The following SLC24A3 variants were observed in gnomAD, a reference collection of about 807,000 sequenced individuals.
SLC24A3 encodes the protein solute carrier family 24 member 3, also known as sodium/potassium/calcium exchanger 3.
In SLC24A3, 28 loss-of-function variants were observed where a neutral mutation model predicts 75.8. The ratio of observed to expected loss-of-function variants is 0.37; its 90% CI spans 0.27 to 0.51. The LOEUF (loss-of-function observed/expected upper bound fraction) is 0.51. Ranked by LOEUF, SLC24A3 falls within the 20% of genes least tolerant of loss-of-function variation. The probability of loss-of-function intolerance (pLI) is 0.94; values close to 1 mark genes in which losing one functional copy is unlikely to be tolerated. For synonymous variants in SLC24A3, 372 were observed against 334.1 expected (o/e 1.11, Z -1.24); for missense variants, 663 against 847.8 (o/e 0.78, Z 2.71).
chr20:19,709,658 C>T (rs1294255022), intron 15 of SLC24A3, among the ~76,000 whole-genome samples: 1 of 152,040 alleles, frequency 6.6e-6, no homozygotes, highest in Non-Finnish European at 1.5e-5. Flanking sequence ...GGTCCAGATG[C>T]ACTTCTGAGG....
intron 6 of SLC24A3, among the ~76,000 whole-genome samples, chr20:19,634,881 C>CA (rs1327452815): frequency 1.3e-5 from 2 of 151,992 alleles, no homozygotes; most frequent in Admixed American, 6.5e-5. Context: ...AATGATACCG[C>CA]AAAAATTTTA....
intron 3 of SLC24A3, among the ~76,000 whole-genome samples, chr20:19,524,264 A>G (rs2030156549): frequency 6.6e-6 from 1 of 152,208 alleles, no homozygotes; most frequent in Non-Finnish European, 1.5e-5. Context: ...CACAGCCTCC[A>G]TAGATGTCAC....
At chr20:19,636,193 A>G (rs4814877) in intron 6 of SLC24A3, among the ~76,000 whole-genome samples, 48,953 of 152,004 alleles carry the variant, frequency 0.32, 9,527 homozygotes, top group African/African-American at 0.54. Flanking sequence ...TTATGGTCTC[A>G]CCTCAAGAGT....
chr20:19,462,274 C>T (rs1302771108), intron 2 of SLC24A3, among the ~76,000 whole-genome samples: 1 of 149,228 alleles, frequency 6.7e-6, no homozygotes, highest in Non-Finnish European at 1.5e-5. Context: ...GGGTGGCTTT[C>T]TTTCTTTTTT....
At chr20:19,277,003 A>G (rs894441161) in intron 1 of SLC24A3, among the ~76,000 whole-genome samples, 5 of 152,204 alleles carry the variant, frequency 3.3e-5, no homozygotes, top group African/African-American at 9.7e-5. Context: ...CCATCTTTGA[A>G]ATAAGACCAG....
intron 1 of SLC24A3, among the ~76,000 whole-genome samples, chr20:19,219,964 C>T (rs13043855): frequency 0.082 from 12,511 of 152,186 alleles, 758 homozygotes; most frequent in African/African-American, 0.17. Context: ...AAGCCTTGGC[C>T]ATTTAATGCA....
At chr20:19,653,869 T>A (rs2032235064) in intron 6 of SLC24A3, among the ~76,000 whole-genome samples, 193 bp from the exon 7 acceptor site, 1 of 152,228 alleles carries the variant, frequency 6.6e-6, no homozygotes, top group Non-Finnish European at 1.5e-5. Context: ...GTTGCAGGTT[T>A]AATTGTATCT....
chr20:19,504,946 G>T (rs1600256979), intron 2 of SLC24A3, among the ~76,000 whole-genome samples: 1 of 152,312 alleles, frequency 6.6e-6, no homozygotes, highest in East Asian at 1.9e-4. Context: ...TCATGAGATT[G>T]CTGTATTTTC....
chr20:19,308,773 G>T (rs960204807), intron 2 of SLC24A3, among the ~76,000 whole-genome samples: 6 of 152,176 alleles, frequency 3.9e-5, no homozygotes, highest in Admixed American at 6.5e-5. Flanking sequence ...ATCTGGCATC[G>T]TTGGGATATC....
intron 2 of SLC24A3, among the ~76,000 whole-genome samples, chr20:19,367,817 T>A (rs1985921458): frequency 6.6e-6 from 1 of 152,122 alleles, no homozygotes; most frequent in Non-Finnish European, 1.5e-5. Context: ...TTGGCATTGG[T>A]GCATTGGCCG....
At chr20:19,302,345 T>C (rs1236844939) in intron 2 of SLC24A3, among the ~76,000 whole-genome samples, 1 of 152,236 alleles carries the variant, frequency 6.6e-6, no homozygotes, top group African/African-American at 2.4e-5. Flanking sequence ...TAATGAACAA[T>C]TGATTGAATG....
At chr20:19,447,599 C>G (rs1987409087) in intron 2 of SLC24A3, among the ~76,000 whole-genome samples, 1 of 152,094 alleles carries the variant, frequency 6.6e-6, no homozygotes, top group African/African-American at 2.4e-5. Context: ...TAAATAGAAA[C>G]AGGAAGATGG....
In SLC24A3 at chr20:19,665,540, A is replaced by G. The variant is rs2032388211; in HGVS notation, c.688-324A>G. Among the ~76,000 whole-genome samples the G allele has an allele frequency of 2.0e-5, 3 of 152,206 alleles. No individual in the cohort carries two copies. The East Asian group carries it at 5.8e-4, about 29-fold the overall frequency. On this transcript the variant is annotated intron_variant, in intron 7 of 16. Coordinates refer to ENST00000328041, the MANE Select transcript of SLC24A3 (RefSeq NM_020689.4). ...AAGATTCTACAATGGGCCTTGCTTT[A>G]CAAAGCAGGTTAGTCACACTTCCCT...
intron 10 of SLC24A3, among the ~76,000 whole-genome samples, chr20:19,683,075 C>G (rs994483357): frequency 3.3e-5 from 5 of 152,044 alleles, no homozygotes; most frequent in Non-Finnish European, 5.9e-5. Context: ...TCAAATACAT[C>G]TATGGGTTAT....
chr20:19,221,004 T>C (rs1981694914), intron 1 of SLC24A3, among the ~76,000 whole-genome samples: 1 of 152,230 alleles, frequency 6.6e-6, no homozygotes, highest in African/African-American at 2.4e-5. Flanking sequence ...GTTTTTCTGC[T>C]TCATTTTCTA....
intron 2 of SLC24A3, among the ~76,000 whole-genome samples, chr20:19,346,995 A>C (rs1985444063): frequency 6.6e-6 from 1 of 152,244 alleles, no homozygotes; most frequent in Non-Finnish European, 1.5e-5. Context: ...ATACATAAAT[A>C]AACTATGGTA....
intron 15 of SLC24A3, among the ~76,000 whole-genome samples, chr20:19,699,741 T>C (rs2032850283): frequency 6.6e-6 from 1 of 152,170 alleles, no homozygotes; most frequent in Admixed American, 6.5e-5. Flanking sequence ...ATTCCTTCCC[T>C]AATGAGTCAC....
At chr20:19,267,768 C>G (rs917270680) in intron 1 of SLC24A3, among the ~76,000 whole-genome samples, 1 of 152,092 alleles carries the variant, frequency 6.6e-6, no homozygotes, top group Non-Finnish European at 1.5e-5. Context: ...AAAGCTTACT[C>G]TTTCACTGGT....
At chr20:19,464,254 G>A (rs59708602) in intron 2 of SLC24A3, among the ~76,000 whole-genome samples, 3,705 of 152,308 alleles carry the variant, frequency 0.024, 149 homozygotes, top group African/African-American at 0.085. Context: ...CTGGCTCTTC[G>A]ACTTCTGGGC....
Sources: gnomAD v4.1 joint callset for allele counts (sites outside exome capture counted in the v4.1 genomes callset) on GRCh38, gnomAD v4.1.1 for gene constraint, MANE v1.5 for transcripts, NCBI Gene and HGNC (gene_info 2026-07-23, HGNC 2026-07-21) for gene names.